The following C4orf36 variants were observed in gnomAD, a reference collection of about 807,000 sequenced individuals.
C4orf36 encodes uncharacterized protein C4orf36.
C4orf36 carries 11 observed loss-of-function variants against 12.2 expected under a neutral mutation model. The observed-to-expected ratio is 0.90, with a 90% CI of 0.57 to 1.49. C4orf36 has a LOEUF of 1.49. C4orf36 is among the 40% of genes most tolerant of loss of function. The pLI is 0.00. For synonymous variants in C4orf36, 54 were observed against 51.3 expected, an observed-to-expected ratio of 1.05 and a Z score of -0.22; for missense variants, 137 against 133.9, an observed-to-expected ratio of 1.02 and a Z score of -0.11.
upstream of C4orf36, among the ~76,000 whole-genome samples, chr4:86,894,745 C>T (rs1470749604): frequency 6.6e-6 from 1 of 152,176 alleles, no homozygotes; most frequent in Non-Finnish European, 1.5e-5. Context: ...TTCTTGCAGT[C>T]TCTCTTGGGT....
intron 4 of C4orf36, chr4:86,886,888 A>G: frequency 1.3e-5 from 2 of 152,242 alleles, no homozygotes; most frequent in Non-Finnish European, 2.9e-5. Flanking sequence ...GATAGACTGG[A>G]TTAAGAAAAT....
upstream of C4orf36, among the ~76,000 whole-genome samples, chr4:86,894,091 G>T (rs1747535407): frequency 1.3e-5 from 2 of 151,948 alleles, no homozygotes; most frequent in Admixed American, 6.6e-5. Context: ...TAGAGACGGG[G>T]TTTCACCGTG....
At chr4:86,879,223 C>G (rs888779096) in intron 4 of C4orf36, among the ~76,000 whole-genome samples, 2 of 151,952 alleles carry the variant, frequency 1.3e-5, no homozygotes, top group Admixed American at 1.3e-4. Flanking sequence ...GAAACGCAGG[C>G]CTATGATTTA....
At chr4:86,897,291 G>T (rs887924063), upstream of C4orf36, among the ~76,000 whole-genome samples, 1 of 152,106 alleles carries the variant, frequency 6.6e-6, no homozygotes, top group African/African-American at 2.4e-5. Context: ...AGCCTGGGAG[G>T]TGGAGGTTGC....
chr4:86,921,735 TAC>T, the C4orf36 span, among the ~76,000 whole-genome samples: 1 of 152,196 alleles, frequency 6.6e-6, no homozygotes, highest in African/African-American at 2.4e-5. Flanking sequence ...TGGCATGAAG[TAC>T]ATTCATATTG....
the C4orf36 span, among the ~76,000 whole-genome samples, chr4:86,923,183 C>T: frequency 6.6e-6 from 1 of 151,570 alleles, no homozygotes; most frequent in Non-Finnish European, 1.5e-5. Flanking sequence ...CCTCAACCTC[C>T]TAGGTTCAAA....
chr4:86,880,448 C>T (rs185364187), intron 4 of C4orf36, among the ~76,000 whole-genome samples: 6 of 152,178 alleles, frequency 3.9e-5, no homozygotes, highest in Admixed American at 3.3e-4. Flanking sequence ...AGCGAGACTC[C>T]GTCTCAAATA....
chr4:86,883,594 A>C (rs192547875), intron 4 of C4orf36, among the ~76,000 whole-genome samples: 2 of 152,214 alleles, frequency 1.3e-5, no homozygotes, highest in Admixed American at 1.3e-4. Flanking sequence ...TGAGAAAACA[A>C]ACACAGAAAC....
chr4:86,908,191 ACACACAC>A, the C4orf36 span, among the ~76,000 whole-genome samples: 1 of 150,010 alleles, frequency 6.7e-6, no homozygotes, highest in African/African-American at 2.4e-5. Context: ...ACACACACAC[ACACACAC>A]ACACACACAC....
intron 2 of C4orf36, among the ~76,000 whole-genome samples, chr4:86,889,249 G>T (rs945581966): frequency 6.6e-6 from 1 of 151,500 alleles, no homozygotes; most frequent in East Asian, 1.9e-4. Flanking sequence ...ACTTGAACCC[G>T]AGAGGTTCTG....
rs760730713 is a variant in C4orf36 at position 86,888,233 on chromosome 4, G to T, written c.108C>A (p.Ser36=). Residue 36 remains serine (S), a synonymous_variant, in exon 3 of 5, where the codon TCC becomes TCA. Coordinates refer to ENST00000295898, the MANE Select transcript of C4orf36 (RefSeq NM_144645.4). ...WDIALLAKTW[S]TNLANIKLPF... is the part of the protein sequence containing the mutation. ...GCAACTTGATATTGGCTAGGTTTGT[G>T]GACCAGGTCTTTGCAAGCAATGCAA... 1.4e-5 allele frequency: 23 copies of T among 1,614,012 alleles called. 1 individual carries two copies. The Admixed American group carries it at 3.8e-4, about 27-fold the overall frequency.
chr4:86,912,764 G>T, the C4orf36 span, among the ~76,000 whole-genome samples: 1 of 152,118 alleles, frequency 6.6e-6, no homozygotes. Flanking sequence ...ATATAAATGT[G>T]TATGAATATG....
At chr4:86,905,961 TCC>T in the C4orf36 span, among the ~76,000 whole-genome samples, 2 of 152,126 alleles carry the variant, frequency 1.3e-5, no homozygotes, top group African/African-American at 4.8e-5. Context: ...CCTCAAGTTA[TCC>T]ACCTACCTTG....
the C4orf36 span, among the ~76,000 whole-genome samples, chr4:86,908,168 TACACACACACACACACAC>T: frequency 4.5e-4 from 63 of 140,970 alleles, no homozygotes; most frequent in East Asian, 6.6e-3. Context: ...ACTTTCAACA[TACACACACACACACACAC>T]ACACACACAC....
intron 4 of C4orf36, among the ~76,000 whole-genome samples, chr4:86,882,168 C>T (rs1321684135): frequency 6.6e-6 from 1 of 152,134 alleles, no homozygotes; most frequent in Admixed American, 6.5e-5. Flanking sequence ...TCAGAAACAC[C>T]TGCCTAAAAT....
chr4:86,885,880 C>T (rs1747166124), intron 4 of C4orf36, among the ~76,000 whole-genome samples: 1 of 152,154 alleles, frequency 6.6e-6, no homozygotes, highest in East Asian at 1.9e-4. Flanking sequence ...CCCATCAATA[C>T]CTAATTTATT....
chr4:86,885,489 GCTCT>G (rs2149420870), intron 4 of C4orf36, among the ~76,000 whole-genome samples: 1 of 152,024 alleles, frequency 6.6e-6, no homozygotes, highest in Middle Eastern at 3.2e-3. Context: ...TCACGATTTG[GCTCT>G]CTGTTTGTCT....
At chr4:86,934,324 A>G in the C4orf36 span, among the ~76,000 whole-genome samples, 1 of 152,150 alleles carries the variant, frequency 6.6e-6, no homozygotes, top group Admixed American at 6.5e-5. Context: ...TTAACTAGAC[A>G]TAAGTTTCCC....
At chr4:86,892,526 C>G (rs574007136), upstream of C4orf36, 1 of 939,740 alleles carries the variant, frequency 1.1e-6, no homozygotes, top group Admixed American at 6.2e-5. Flanking sequence ...CCCGCGGGGT[C>G]CGCTCTCTGG....
Sources: gnomAD v4.1 joint callset for allele counts (sites outside exome capture counted in the v4.1 genomes callset) on GRCh38, gnomAD v4.1.1 for gene constraint, MANE v1.5 for transcripts, NCBI Gene and HGNC (gene_info 2026-07-23, HGNC 2026-07-21) for gene names.